The following SFSWAP variants were observed in gnomAD, a reference collection of about 807,000 sequenced individuals.
SFSWAP encodes the protein splicing factor, suppressor of white-apricot homolog.
A neutral mutation model predicts 100.7 loss-of-function variants in SFSWAP; 17 were observed. That is an observed-to-expected ratio of 0.17 (90% CI 0.12 to 0.25). The LOEUF (loss-of-function observed/expected upper bound fraction) is 0.25. Among genes scored for constraint, SFSWAP ranks in the 10% least tolerant of loss-of-function variants. The pLI, the probability that SFSWAP is intolerant of heterozygous loss-of-function variation, is 1.00. For missense variants in SFSWAP, 1,005 were observed against 1,262.6 expected (o/e 0.80, Z 3.09); for synonymous variants, 504 against 510.1 (o/e 0.99, Z 0.16).
intron 7 of SFSWAP, among the ~76,000 whole-genome samples, chr12:131,745,469 G>T (rs1881018981): frequency 6.6e-6 from 1 of 152,188 alleles, no homozygotes; most frequent in African/African-American, 2.4e-5. Context: ...GACCTTGAAG[G>T]TTTCTAACAT....
chr12:131,775,362 C>G (rs1883933157), intron 13 of SFSWAP, among the ~76,000 whole-genome samples: 1 of 152,196 alleles, frequency 6.6e-6, no homozygotes, highest in Admixed American at 6.5e-5. Context: ...CTCTGACTTC[C>G]CGAACACTCA....
At chr12:131,736,077 G>C (rs1340544681) in intron 7 of SFSWAP, among the ~76,000 whole-genome samples, 3 of 152,166 alleles carry the variant, frequency 2.0e-5, no homozygotes, top group Non-Finnish European at 4.4e-5. Context: ...GTCCAGCCAG[G>C]GAGCTTCTGC....
chr12:131,782,652 A>G (rs1404505721), intron 14 of SFSWAP, among the ~76,000 whole-genome samples: 4 of 152,238 alleles, frequency 2.6e-5, no homozygotes, highest in African/African-American at 7.2e-5. Context: ...CTAAAATTCT[A>G]TATAAAATAC....
At chr12:131,729,330 C>T (rs965398871) in intron 7 of SFSWAP, among the ~76,000 whole-genome samples, 1 of 151,930 alleles carries the variant, frequency 6.6e-6, no homozygotes, top group Non-Finnish European at 1.5e-5. Flanking sequence ...ATACTAAAAC[C>T]GCATCTTGAC....
At chr12:131,741,388 C>G (rs892768065) in intron 7 of SFSWAP, among the ~76,000 whole-genome samples, 6 of 152,254 alleles carry the variant, frequency 3.9e-5, no homozygotes, top group African/African-American at 1.2e-4. Flanking sequence ...GTAGTCCCAG[C>G]ACTTTGGGAG....
rs768228349 is a variant in SFSWAP, at chr12:131,797,219, G to C, written c.2576G>C (p.Arg859Pro). Reference protein sequence around the residue: ...EKKKKRRSRSRTKSKARSQSV... With the variant: ...EKKKKRRSRSPTKSKARSQSV... ...AAGAAGAAGAGGCGGTCCCGGTCGC[G>C]GACCAAGTCCAAGGCCAGGTCTCAG... Residue 859 changes from arginine to proline, a missense_variant, in exon 16 of 18, where the codon CGG (arginine) becomes CCG (proline). Physicochemically the swap from Arg to Pro is moderately radical, Grantham distance 103. Coordinates refer to ENST00000261674, the MANE Select transcript of SFSWAP (RefSeq NM_004592.4). 4 of 1,611,866 alleles carry C rather than the reference G, an allele frequency of 2.5e-6. No homozygotes were observed. Among genetic ancestry groups the C allele is most frequent in the Non-Finnish European group, 3.4e-6 (4 of 1,179,794 alleles).
chr12:131,718,060 T>A (rs1375710292), intron 3 of SFSWAP, among the ~76,000 whole-genome samples: 1 of 152,192 alleles, frequency 6.6e-6, no homozygotes, highest in Non-Finnish European at 1.5e-5. Flanking sequence ...CCCGGCTTCA[T>A]CTCTGATTTT....
intron 7 of SFSWAP, among the ~76,000 whole-genome samples, chr12:131,737,124 C>T (rs1201345874): frequency 1.3e-5 from 2 of 152,176 alleles, no homozygotes; most frequent in Non-Finnish European, 2.9e-5. Context: ...TGTGCTCTCG[C>T]GGTGGGCTGC....
At chr12:131,765,521 G>A (rs578247388) in intron 12 of SFSWAP, among the ~76,000 whole-genome samples, 1 of 152,106 alleles carries the variant, frequency 6.6e-6, no homozygotes, top group Non-Finnish European at 1.5e-5. Context: ...GGTGGCACAC[G>A]CCTGTAATCC....
rs966329293 is a variant in SFSWAP, at chr12:131,728,545, G to A, written c.1081+117G>A. On this transcript the variant is annotated intron_variant, in intron 7 of 17. Coordinates refer to ENST00000261674, the MANE Select transcript of SFSWAP (RefSeq NM_004592.4). ...AAGTGTAACAAGTATGGAAGCAGGC[G>A]GCCCAGAGCCTGCACATGGTCCCAA... 6.9e-6 allele frequency: 8 copies of A among 1,163,660 alleles called. No homozygotes were observed. In the East Asian group the frequency reaches 1.2e-4, roughly 18 times the overall value. 72.1% of individuals were successfully genotyped at this position (1,163,660 alleles called of 1,614,324 possible).
intron 7 of SFSWAP, among the ~76,000 whole-genome samples, chr12:131,737,251 C>T (rs1013062491): frequency 3.9e-5 from 6 of 152,034 alleles, no homozygotes; most frequent in Admixed American, 3.3e-4. Context: ...AGTCTGTTCA[C>T]GTCAGAAGGG....
At chr12:131,719,909 C>T (rs1022156142) in intron 4 of SFSWAP, among the ~76,000 whole-genome samples, 18 of 152,148 alleles carry the variant, frequency 1.2e-4, no homozygotes, top group African/African-American at 4.1e-4. Flanking sequence ...ATTTCAGTAA[C>T]GTTGCTTTGT....
intron 7 of SFSWAP, among the ~76,000 whole-genome samples, chr12:131,741,079 T>TCTCTGC (rs1880582427): frequency 6.8e-6 from 1 of 147,490 alleles, no homozygotes; most frequent in Non-Finnish European, 1.5e-5. Flanking sequence ...TTCAAGCAAT[T>TCTCTGC]CTCTGCCTCA....
chr12:131,786,416 C>T, intron 14 of SFSWAP, 47 bp from the exon 15 acceptor site: 1 of 1,548,500 alleles, frequency 6.5e-7, no homozygotes, highest in South Asian at 1.2e-5. Flanking sequence ...ATGACACGTC[C>T]CGCCAGCCAG....
At position 131,794,019 on chromosome 12, in the gene SFSWAP, T is replaced by C. The variant is rs879855293; in HGVS notation, c.2535-3159T>C. On this transcript the variant is annotated intron_variant, in intron 15 of 17. Coordinates refer to ENST00000261674, the MANE Select transcript of SFSWAP (RefSeq NM_004592.4). The surrounding 1 kb of genome is among the most constrained non-coding windows in gnomAD (Gnocchi z 4.8). ...ACACCTACTCCCTGACCAGCTGTCC[T>C]GTTCCTAGCTGTGAACTCCTCTATA... Among the ~76,000 whole-genome samples the C allele has an allele frequency of 6.6e-6, 1 of 152,240 alleles. No individual in the cohort carries two copies. Among genetic ancestry groups the C allele is most frequent in the Non-Finnish European group, 1.5e-5 (1 of 68,040 alleles).
chr12:131,778,424 G>A lies in SFSWAP; in HGVS notation c.2408+94G>A, dbSNP rs1305506576. 24 of 1,527,268 alleles carry A rather than the reference G, an allele frequency of 1.6e-5. No homozygotes were observed. The highest frequency in any genetic ancestry group is 5.3e-5 in the South Asian group (4 of 75,756). 94.6% of individuals were successfully genotyped at this position (1,527,268 alleles called of 1,614,324 possible). On this transcript the variant is annotated intron_variant, in intron 14 of 17. Coordinates refer to ENST00000261674, the MANE Select transcript of SFSWAP (RefSeq NM_004592.4). The surrounding 1 kb of genome is among the most constrained non-coding windows in gnomAD (Gnocchi z 4.2). ...GAGCTAGGTAGAACGTTTAAAATCA[G>A]TGCCGCTTTCATTAAGCAGACGCGT...
intron 13 of SFSWAP, among the ~76,000 whole-genome samples, chr12:131,769,225 T>G (rs1377152511): frequency 6.6e-6 from 1 of 152,078 alleles, no homozygotes; most frequent in African/African-American, 2.4e-5. Context: ...ATGCTTCTGA[T>G]GTAATAAGCA....
At chr12:131,760,900 T>C (rs1200943261) in intron 11 of SFSWAP, among the ~76,000 whole-genome samples, 1 of 152,094 alleles carries the variant, frequency 6.6e-6, no homozygotes, top group Non-Finnish European at 1.5e-5. Context: ...GGTGAAACCC[T>C]GTCTCTACTA....
chr12:131,786,483 G>C lies in SFSWAP; in HGVS notation c.2429G>C (p.Arg810Pro). The change falls in exon 15 of 18, where the codon CGG (arginine) becomes CCG (proline). Residue 810 changes from arginine to proline, a missense_variant. Around this residue, in one of 7 missense-constraint regions of SFSWAP, gnomAD observed 295 missense variants for 347.9 expected, o/e 0.85. Coordinates refer to ENST00000261674, the MANE Select transcript of SFSWAP (RefSeq NM_004592.4). ...TCCAGGTCCCGCTCCCGGTCCCCTC[G>C]GAGGAGAGCCCACTCCCCTGAGAGA... ...RRSRSRSRSP[R>P]RRAHSPERRR... 1 of 1,587,184 alleles carries C rather than the reference G, an allele frequency of 6.3e-7. No homozygotes were observed. Among genetic ancestry groups the C allele is most frequent in the Non-Finnish European group, 8.6e-7 (1 of 1,167,742 alleles).
Sources: allele counts gnomAD v4.1 joint callset (sites outside exome capture counted in the v4.1 genomes callset), GRCh38; gene constraint gnomAD v4.1.1; regional missense constraint gnomAD v4.1.1; non-coding constraint Gnocchi (gnomAD v3.1); transcripts MANE v1.5; gene names NCBI Gene and HGNC (gene_info 2026-07-23, HGNC 2026-07-21).